ZNF280D: variants seen among roughly 807,000 people sequenced by gnomAD.
ZNF280D encodes the protein zinc finger protein 280D, also known as suppressor of hairy wing homolog 4.
In ZNF280D, 39 loss-of-function variants were observed where a neutral mutation model predicts 94.7. The observed-to-expected ratio is 0.41, with a 90% CI of 0.32 to 0.54. ZNF280D has a LOEUF of 0.54. ZNF280D is among the 20% of genes least tolerant of loss of function. The probability of loss-of-function intolerance (pLI) is 0.22; values close to 1 mark genes in which losing one functional copy is unlikely to be tolerated. For missense variants in ZNF280D, 1,090 were observed against 1,149.3 expected (o/e 0.95, Z 0.75); for synonymous variants, 398 against 377.6 (o/e 1.05, Z -0.63).
chr15:56,710,708 T>G (rs192007573), intron 1 of ZNF280D, among the ~76,000 whole-genome samples: 5 of 152,194 alleles, frequency 3.3e-5, no homozygotes, highest in Non-Finnish European at 7.3e-5. Flanking sequence ...GTGTTTTAAC[T>G]ATCTGAAATT....
intron 6 of ZNF280D, 108 bp downstream of exon 6, chr15:56,700,825 C>A (rs749521224): frequency 2.5e-6 from 4 of 1,591,826 alleles, no homozygotes; most frequent in Non-Finnish European, 3.4e-6. Context: ...TATGCTTCTA[C>A]TGGATGACTA....
intron 13 of ZNF280D, among the ~76,000 whole-genome samples, chr15:56,673,841 T>C (rs1486503143): frequency 6.6e-6 from 1 of 152,022 alleles, no homozygotes; most frequent in East Asian, 1.9e-4. Context: ...CTTACTCCTT[T>C]ATATCCTTCA....
chr15:56,700,801 T>C, intron 6 of ZNF280D, 132 bp downstream of exon 6: 1 of 1,556,456 alleles, frequency 6.4e-7, no homozygotes, highest in Non-Finnish European at 8.7e-7. Context: ...ATGGTGACAT[T>C]TTCTGATGCT....
intron 9 of ZNF280D, among the ~76,000 whole-genome samples, chr15:56,687,430 A>T (rs1223393922): frequency 6.6e-6 from 1 of 152,174 alleles, no homozygotes; most frequent in Non-Finnish European, 1.5e-5. Flanking sequence ...CAATTTCTGT[A>T]CAAAATAGAA....
intron 9 of ZNF280D, among the ~76,000 whole-genome samples, chr15:56,688,489 CAAAA>C (rs55861049): frequency 1.8e-3 from 136 of 76,698 alleles, no homozygotes; most frequent in African/African-American, 6.8e-3. Flanking sequence ...GACTCCGTCT[CAAAA>C]AAAAAAAAAA....
At chr15:56,654,862 T>C in intron 17 of ZNF280D, 1 of 460,052 alleles carries the variant, frequency 2.2e-6, no homozygotes, top group Non-Finnish European at 4.4e-6. Flanking sequence ...GAACATAGCG[T>C]ATTCATTCAC....
chr15:56,733,291 C>T (rs1392367481), intron 1 of ZNF280D, among the ~76,000 whole-genome samples, 167 bp downstream of exon 1: 1 of 152,006 alleles, frequency 6.6e-6, no homozygotes, highest in Admixed American at 6.5e-5. Flanking sequence ...GGCGGTCCGG[C>T]CGCCGCCGCG....
chr15:56,650,250 T>A (rs1219177692), intron 19 of ZNF280D, among the ~76,000 whole-genome samples: 1 of 152,148 alleles, frequency 6.6e-6, no homozygotes, highest in African/African-American at 2.4e-5. Context: ...TATATCATAC[T>A]GTGAATGAGC....
chr15:56,697,483 C>T (rs932044837), intron 6 of ZNF280D, among the ~76,000 whole-genome samples: 1 of 152,218 alleles, frequency 6.6e-6, no homozygotes, highest in Admixed American at 6.5e-5. Flanking sequence ...CCACGCCCAG[C>T]CACCTGTTAC....
At chr15:56,714,286 T>C (rs2141326454) in intron 1 of ZNF280D, among the ~76,000 whole-genome samples, 1 of 152,280 alleles carries the variant, frequency 6.6e-6, no homozygotes. Context: ...ACGGGATGAT[T>C]ATAGAATCTT....
Position 56,682,487 on chromosome 15 carries a change from A to AG in ZNF280D, c.781-11_781-10insC, listed in dbSNP as rs1491030795. On this transcript the variant is annotated splice_polypyrimidine_tract_variant and intron_variant, in intron 9 of 21. Transcript: ENST00000267807. ...TGTCTGGACAACAATACTGAAAGAG[A>AG]AAAAAAAAAAAAAAAAACAAGCCTT... 1 of 589,304 alleles carries AG rather than the reference A, an allele frequency of 1.7e-6. No homozygotes were observed. Among genetic ancestry groups the AG allele is most frequent in the South Asian group, 3.0e-5 (1 of 32,970 alleles). 36.5% of individuals were successfully genotyped at this position (589,304 alleles called of 1,614,324 possible).
At chr15:56,731,671 C>A (rs1267757659) in intron 1 of ZNF280D, among the ~76,000 whole-genome samples, 1 of 152,088 alleles carries the variant, frequency 6.6e-6, no homozygotes, top group Non-Finnish European at 1.5e-5. Context: ...TTACAAAATA[C>A]ATACTGACAC....
rs1566938918 is a variant in ZNF280D at position 56,654,109 on chromosome 15, A to G, written c.2213+89T>C. 3 of 1,542,948 alleles carry G rather than the reference A, an allele frequency of 1.9e-6. No homozygotes were observed. The East Asian group carries it at 6.9e-5, about 35-fold the overall frequency. ...CAAAAAAACAACAACATACTTTAAT[A>G]CTTTTCATTCGTATTAATGATACAT... On this transcript the variant is annotated intron_variant, in intron 19 of 21. Coordinates refer to ENST00000267807, the MANE Select transcript of ZNF280D (RefSeq NM_017661.4).
At chr15:56,641,214 A>G (rs2052611381) in intron 20 of ZNF280D, among the ~76,000 whole-genome samples, 1 of 152,006 alleles carries the variant, frequency 6.6e-6, no homozygotes, top group African/African-American at 2.4e-5. Context: ...ATGTTCATCA[A>G]ATACACTTTC....
At chr15:56,733,140 G>A (rs1199838856) in intron 1 of ZNF280D, 2 of 153,044 alleles carry the variant, frequency 1.3e-5, no homozygotes, top group African/African-American at 4.8e-5. Context: ...CCAGGCTGGG[G>A]ACAAACAGGC....
chr15:56,683,325 A>G (rs2055767137), intron 9 of ZNF280D, among the ~76,000 whole-genome samples: 1 of 152,114 alleles, frequency 6.6e-6, no homozygotes, highest in African/African-American at 2.4e-5. Flanking sequence ...AAAAACAAAT[A>G]AGCACCTTAA....
rs1037647186 is a variant in ZNF280D at position 56,640,010 on chromosome 15, T to G, written c.2259+2942A>C. 2.6e-5 allele frequency among the ~76,000 whole-genome samples: 4 copies of G among 151,972 alleles called. No individual in the cohort carries two copies. In the East Asian group the frequency reaches 7.7e-4, roughly 29 times the overall value. On this transcript the variant is annotated intron_variant, in intron 20 of 21. Coordinates refer to ENST00000267807, the MANE Select transcript of ZNF280D (RefSeq NM_017661.4). ...CACTGGAAAAACTATTTCCAAATATTTGAGAGAGAAATTGCAACGTTAGAA... is the reference window on the plus strand; with the variant it reads ...CACTGGAAAAACTATTTCCAAATATGTGAGAGAGAAATTGCAACGTTAGAA...
rs536419686 is a variant in ZNF280D at position 56,664,257 on chromosome 15, A to G, written c.1994+2138T>C. Among the ~76,000 whole-genome samples, 8 of 152,374 alleles carry G rather than the reference A, an allele frequency of 5.3e-5. No individual in the cohort carries two copies. The East Asian group carries it at 7.7e-4, about 15-fold the overall frequency. On this transcript the variant is annotated intron_variant, in intron 16 of 21. Coordinates refer to ENST00000267807, the MANE Select transcript of ZNF280D (RefSeq NM_017661.4). ...TCAAAAGGTAAAGAAATGAATCACA[A>G]TAAAGCTGGTAGCAAACACTTTTTA...
chr15:56,684,521 G>C (rs2055864421), intron 9 of ZNF280D, among the ~76,000 whole-genome samples: 1 of 151,862 alleles, frequency 6.6e-6, no homozygotes, highest in Non-Finnish European at 1.5e-5. Context: ...GCAAAATCAA[G>C]GGTGAAAGTA....
Sources: allele counts gnomAD v4.1 joint callset (sites outside exome capture counted in the v4.1 genomes callset), GRCh38; gene constraint gnomAD v4.1.1; transcripts MANE v1.5; gene names NCBI Gene and HGNC (gene_info 2026-07-23, HGNC 2026-07-21).